PYGB: variants seen among roughly 807,000 people sequenced by gnomAD.
PYGB encodes the protein glycogen phosphorylase, brain form.
A neutral mutation model predicts 94.3 loss-of-function variants in PYGB; 82 were observed. The observed-to-expected ratio is 0.87, with a 90% confidence interval of 0.73 to 1.04. The LOEUF (loss-of-function observed/expected upper bound fraction) is 1.04. Ranked by LOEUF, PYGB falls within the 50% of genes least tolerant of loss-of-function variation. The pLI, the probability that PYGB is intolerant of heterozygous loss-of-function variation, is 0.00. For synonymous variants in PYGB, 488 were observed against 479.1 expected (o/e 1.02, Z -0.24); for missense variants, 1,132 against 1,158.2 (o/e 0.98, Z 0.33).
Position 25,294,274 on chromosome 20 carries a change from T to C in PYGB, c.2294T>C (p.Met765Thr), listed in dbSNP as rs1406159689. 3 of 1,407,892 alleles carry C rather than the reference T, an allele frequency of 2.1e-6. No homozygotes were observed. Among genetic ancestry groups the C allele is most frequent in the Non-Finnish European group, 2.9e-6 (3 of 1,052,184 alleles). 87.2% of individuals were successfully genotyped at this position (1,407,892 alleles called of 1,614,324 possible). A position where few individuals can be genotyped will look rare whatever the true frequency, so the allele number is the denominator to read the frequency against. Reference protein sequence around the residue: ...EPDCFKDIVNMLMHHDRFKVF... With the variant: ...EPDCFKDIVNTLMHHDRFKVF... ...GACTGCTTCAAGGACATCGTGAACA[T>C]GCTGATGCACCATGACAGGTGGGAC... Residue 765 changes from methionine to threonine, a missense_variant, in exon 18 of 20, where the codon ATG (methionine) becomes ACG (threonine). Transcript: ENST00000216962.
At chr20:25,249,850 AT>A (rs5841051) in intron 1 of PYGB, among the ~76,000 whole-genome samples, 495 of 144,196 alleles carry the variant, frequency 3.4e-3, no homozygotes, top group Admixed American at 3.7e-3. Context: ...GCACAGCACC[AT>A]TTTTTTTTTT....
At chr20:25,248,494 G>A (rs961687777) in intron 1 of PYGB, 73 bp downstream of exon 1, 11 of 1,287,308 alleles carry the variant, frequency 8.5e-6, no homozygotes, top group Non-Finnish European at 9.8e-6. Context: ...GCCAGCGGGG[G>A]TCTCTGCGGG....
intron 3 of PYGB, among the ~76,000 whole-genome samples, chr20:25,270,484 G>T (rs2088257860): frequency 6.6e-6 from 1 of 152,054 alleles, no homozygotes; most frequent in African/African-American, 2.4e-5. Flanking sequence ...TTACAGGCAT[G>T]AGCCACCACG....
chr20:25,286,819 A>G (rs981128962), intron 14 of PYGB, among the ~76,000 whole-genome samples: 1 of 152,146 alleles, frequency 6.6e-6, no homozygotes, highest in African/African-American at 2.4e-5. Context: ...CCCTCCCCAG[A>G]GGTTAGGACT....
At chr20:25,286,038 T>C (rs1301420580) in intron 14 of PYGB, among the ~76,000 whole-genome samples, 3 of 152,236 alleles carry the variant, frequency 2.0e-5, no homozygotes, top group Non-Finnish European at 4.4e-5. Context: ...TACCGGGCAC[T>C]GTCTGGAGGG....
At chr20:25,264,964 G>A (rs183184612) in intron 2 of PYGB, among the ~76,000 whole-genome samples, 215 of 152,234 alleles carry the variant, frequency 1.4e-3, no homozygotes, top group East Asian at 5.6e-3. Flanking sequence ...AGCCCGCATC[G>A]CCAAGACAAT....
At position 25,295,538 on chromosome 20, in the gene PYGB, TC is replaced by T; in HGVS notation, c.2313-62del. ...TGCCTGGCCTCCTGCCCTGGGACTC[TC>T]CCCTCGGGACAGTGTGGGCAGGGCT... On this transcript the variant is annotated intron_variant, in intron 18 of 19. Coordinates refer to ENST00000216962, the MANE Select transcript of PYGB (RefSeq NM_002862.4). The T allele has an allele frequency of 2.0e-6, 3 of 1,533,282 alleles. No individual in the cohort carries two copies. The Admixed American group carries it at 5.0e-5, about 26-fold the overall frequency. The allele number at this position is 1,533,282 out of a possible 1,614,324, so 95.0% of individuals were successfully genotyped here. A position where few individuals can be genotyped will look rare whatever the true frequency, so the allele number is the denominator to read the frequency against.
intron 8 of PYGB, 76 bp from the exon 9 acceptor site, chr20:25,278,981 G>A (rs2088340334): frequency 1.4e-6 from 2 of 1,422,234 alleles, no homozygotes; most frequent in Admixed American, 2.0e-5. Context: ...TTCACTTGGG[G>A]AGCTTCGTAT....
At chr20:25,281,659 C>T (rs938534912) in intron 11 of PYGB, among the ~76,000 whole-genome samples, 4 of 152,166 alleles carry the variant, frequency 2.6e-5, no homozygotes, top group Non-Finnish European at 4.4e-5. Context: ...AGCTTCGTGT[C>T]GGGCCCCTCC....
At chr20:25,284,825 T>G (rs1051689204) in intron 14 of PYGB, 1 of 152,312 alleles carries the variant, frequency 6.6e-6, no homozygotes, top group Non-Finnish European at 1.5e-5. Flanking sequence ...TTACAAAAAT[T>G]AAGATAGTAT....
At chr20:25,260,169 A>G (rs903586833) in intron 2 of PYGB, among the ~76,000 whole-genome samples, 9 of 152,186 alleles carry the variant, frequency 5.9e-5, no homozygotes, top group Non-Finnish European at 1.3e-4. Flanking sequence ...TTCACTCCGC[A>G]TGTTCGAAAT....
At chr20:25,269,058 C>T in intron 2 of PYGB, 71 bp from the exon 3 acceptor site, 1 of 1,297,442 alleles carries the variant, frequency 7.7e-7, no homozygotes, top group Non-Finnish European at 1.1e-6. Flanking sequence ...AAGACTTACA[C>T]ATCTTTCAGC....
chr20:25,290,585 C>T lies in PYGB; in HGVS notation c.1932C>T (p.Ile644=), dbSNP rs1301190248. 2 of 1,609,360 alleles carry T rather than the reference C, an allele frequency of 1.2e-6. No homozygotes were observed. Among genetic ancestry groups the T allele is most frequent in the Non-Finnish European group, 1.7e-6 (2 of 1,175,984 alleles). Reference sequence around the variant, plus strand: ...TTGTGGGTGACAGGTTGAAAGTGATCTTCCTGGAGAACTACCGTGTGTCCT... The same window carrying T: ...TTGTGGGTGACAGGTTGAAAGTGATTTTCCTGGAGAACTACCGTGTGTCCT... ...DPVVGDRLKV[I]FLENYRVSLA... is the part of the protein sequence containing the mutation. The change falls in exon 16 of 20, where the codon ATC becomes ATT. Residue 644 remains isoleucine (I), a synonymous_variant. Transcript: ENST00000216962.
At chr20:25,268,384 AT>A (rs2088238122) in intron 2 of PYGB, among the ~76,000 whole-genome samples, 1 of 147,534 alleles carries the variant, frequency 6.8e-6, no homozygotes, top group Non-Finnish European at 1.5e-5. Context: ...GGTTTCAAAA[AT>A]GTCCTTTTTT....
chr20:25,292,665 G>A (rs530736275), intron 17 of PYGB, 52 bp downstream of exon 17: 55 of 1,575,136 alleles, frequency 3.5e-5, no homozygotes, highest in Middle Eastern at 1.7e-4. Context: ...GAGAATGAAG[G>A]GTGTTGGGCT....
rs201359090 is a variant in PYGB, at chr20:25,248,196, G to C, written c.18G>C (p.Thr6=). MAKPL[T]DSEKRKQISV... Reference sequence around the variant, plus strand: ...CCGGCGCGATGGCGAAGCCGCTGACGGACAGCGAGAAGCGGAAGCAGATCA... The same window carrying C: ...CCGGCGCGATGGCGAAGCCGCTGACCGACAGCGAGAAGCGGAAGCAGATCA... The change falls in exon 1 of 20, where the codon ACG becomes ACC. Residue 6 remains threonine, a synonymous_variant. Coordinates refer to ENST00000216962, the MANE Select transcript of PYGB (RefSeq NM_002862.4). 1.7e-4 allele frequency: 278 copies of C among 1,591,128 alleles called. 2 individuals carry two copies. In the South Asian group the frequency reaches 2.7e-3, roughly 16 times the overall value.
In PYGB at chr20:25,277,444, T is replaced by C. The variant is rs576483230; in HGVS notation, c.855+118T>C. ...CTGTTGGCCTTGGCAAGCAGCCACC[T>C]GGTGGCCCTCTCGCCTTAGGTGCAC... On this transcript the variant is annotated intron_variant, in intron 7 of 19. Transcript: ENST00000216962. 2.8e-4 allele frequency: 263 copies of C among 933,574 alleles called. 2 individuals are homozygous for C. The Middle Eastern group carries it at 3.5e-3, about 13-fold the overall frequency. The allele number at this position is 933,574 out of a possible 1,614,324, so 57.8% of individuals were successfully genotyped here.
intron 3 of PYGB, 94 bp from the exon 4 acceptor site, chr20:25,271,286 CCCT>C (rs2088264703): frequency 1.8e-6 from 2 of 1,100,304 alleles, no homozygotes; most frequent in African/African-American, 1.5e-5. Flanking sequence ...CAGTGTGATC[CCCT>C]CTGAATTTCT....
intron 2 of PYGB, among the ~76,000 whole-genome samples, chr20:25,265,877 G>A (rs2088213625): frequency 6.6e-6 from 1 of 152,176 alleles, no homozygotes; most frequent in African/African-American, 2.4e-5. Context: ...TTACAGGCGT[G>A]AGCCACCATG....
Sources: gnomAD v4.1 joint callset for allele counts (sites outside exome capture counted in the v4.1 genomes callset) on GRCh38, gnomAD v4.1.1 for gene constraint, MANE v1.5 for transcripts, NCBI Gene and HGNC (gene_info 2026-07-23, HGNC 2026-07-21) for gene names.